The following FAM153A variants were observed in gnomAD, a reference collection of about 807,000 sequenced individuals.
The protein encoded by FAM153A is protein FAM153A.
In FAM153A, 12 loss-of-function variants were observed where a neutral mutation model predicts 48.1. That is an observed-to-expected ratio of 0.25 (90% CI 0.16 to 0.40). FAM153A has a LOEUF of 0.40. Ranked by LOEUF, FAM153A falls within the 10% of genes least tolerant of loss-of-function variation. FAM153A has a pLI of 1.00. For synonymous variants in FAM153A, 36 were observed against 118.2 expected (o/e 0.30, Z 4.51); for missense variants, 111 against 345.8 (o/e 0.32, Z 5.38).
At chr5:177,706,979 A>G (rs1696912), downstream of FAM153A, 1 of 152,004 alleles carries the variant, frequency 6.6e-6, no homozygotes, top group South Asian at 2.1e-4. Context: ...AACGATAAAG[A>G]GATCAATTCA....
chr5:177,754,275 A>G (rs1273116046), upstream of FAM153A, among the ~76,000 whole-genome samples: 2 of 152,086 alleles, frequency 1.3e-5, no homozygotes, highest in African/African-American at 4.8e-5. Flanking sequence ...GCAAGGCTGA[A>G]GCGAGGCTGG....
At chr5:177,704,934 G>A (rs188258515), downstream of FAM153A, among the ~76,000 whole-genome samples, 1 of 151,350 alleles carries the variant, frequency 6.6e-6, no homozygotes, top group African/African-American at 2.4e-5. Context: ...CCGGGAGGTG[G>A]AGGGTGCAGT....
chr5:177,737,807 A>C (rs1357110380), intron 10 of FAM153A, among the ~76,000 whole-genome samples: 3 of 151,784 alleles, frequency 2.0e-5, no homozygotes, highest in Non-Finnish European at 4.4e-5. Context: ...GGTGTGAGCC[A>C]CCACGCCTGA....
chr5:177,760,235 CTTTT>C (rs56901584), intron 1 of FAM153A, among the ~76,000 whole-genome samples: 1 of 96,212 alleles, frequency 1.0e-5, no homozygotes, highest in Non-Finnish European at 2.0e-5. Context: ...TGGGAAAGAC[CTTTT>C]TTTTTTTTTT....
downstream of FAM153A, chr5:177,717,325 A>C (rs1297437312): frequency 1.4e-5 from 2 of 143,096 alleles, no homozygotes; most frequent in Non-Finnish European, 3.0e-5. Context: ...AGCTGTATTA[A>C]TCATTTAAAT....
At chr5:177,746,624 T>C (rs377012867) in intron 4 of FAM153A, among the ~76,000 whole-genome samples, 18,919 of 150,122 alleles carry the variant, frequency 0.13, 1,549 homozygotes, top group East Asian at 0.33. Flanking sequence ...ACTTAGCCTG[T>C]GATATTTGTC....
chr5:177,717,198 GCCT>G (rs1157515700), exon 24 of FAM153A: 1 of 138,494 alleles, frequency 7.2e-6, no homozygotes, highest in Non-Finnish European at 1.5e-5. Flanking sequence ...GCCTTCCTCA[GCCT>G]CTACCCGAGT....
intron 18 of FAM153A, 128 bp downstream of exon 20, chr5:177,728,895 T>G: frequency 5.8e-6 from 2 of 341,894 alleles, no homozygotes. Context: ...AAACCAAAAT[T>G]CCCAAATCTC....
rs1251741865 is a variant in FAM153A, at chr5:177,772,025, T to G, written c.-57+8424A>C. Among the ~76,000 whole-genome samples, 8 of 98,120 alleles carry G rather than the reference T, an allele frequency of 8.2e-5. 2 individuals are homozygous for G. Among genetic ancestry groups the G allele is most frequent in the Non-Finnish European group, 1.7e-4 (8 of 47,212 alleles). The allele number at this position is 98,120 out of a possible 152,430, so 64.4% of individuals were successfully genotyped here. On this transcript the variant is annotated intron_variant, in intron 1 of 8. Transcript: ENST00000393518. ...GAATATGATTATTTGCTGAATCCTGTGAGTCCTTCTAGTGAATCACCAAAC... is the reference window on the plus strand; with the variant it reads ...GAATATGATTATTTGCTGAATCCTGGGAGTCCTTCTAGTGAATCACCAAAC...
At chr5:177,703,342 G>T (rs1757615893), downstream of FAM153A, among the ~76,000 whole-genome samples, 1 of 151,888 alleles carries the variant, frequency 6.6e-6, no homozygotes, top group Non-Finnish European at 1.5e-5. Flanking sequence ...CTTTGTTTTG[G>T]TTGATTTCTC....
chr5:177,713,703 G>T (rs1190311687), intron 26 of FAM153A: 2 of 151,844 alleles, frequency 1.3e-5, no homozygotes, highest in Non-Finnish European at 2.9e-5. Context: ...ACTTTGCCCA[G>T]CCAAGATTGA....
upstream of FAM153A, among the ~76,000 whole-genome samples, chr5:177,753,945 T>A (rs1013213299): frequency 2.0e-5 from 3 of 151,950 alleles, no homozygotes; most frequent in African/African-American, 7.3e-5. Flanking sequence ...CATTTCCAAC[T>A]GAGGTATCAG....
At chr5:177,696,270 A>G in the FAM153A span, among the ~76,000 whole-genome samples, 129,068 of 136,306 alleles carry the variant, frequency 0.95, 61,076 homozygotes, top group East Asian at 1. Context: ...CGGGGTGGCC[A>G]GGCAGGGGCA....
intron 25 of FAM153A, among the ~76,000 whole-genome samples, chr5:177,714,435 A>T (rs1469754161): frequency 6.6e-6 from 1 of 150,908 alleles, no homozygotes. Flanking sequence ...ACAATTTTAT[A>T]AAATAAATAG....
Position 177,729,514 on chromosome 5 carries a change from C to T in FAM153A, c.904G>A (p.Val302Ile), listed in dbSNP as rs145087064. The T allele has an allele frequency of 4.1e-3, 6,493 of 1,599,592 alleles. 7 individuals carry two copies. The African/African-American group carries it at 0.056, about 14-fold the overall frequency. ...TGAACCCCTGTGGCTTCCTCAGAGA[C>T]TGTCTGCTCTGGCACATGCTCCTCC... The change falls in exon 17 of 21, where the codon GTC (valine) becomes ATC (isoleucine). Residue 302 changes from valine to isoleucine, a missense_variant. Around this residue, in one of 4 missense-constraint regions of FAM153A, gnomAD observed 35 missense variants for 136.8 expected, o/e 0.26. Coordinates refer to ENST00000614127, the Ensembl canonical transcript of FAM153A.
the FAM153A span, among the ~76,000 whole-genome samples, chr5:177,696,126 C>T: frequency 3.0e-5 from 4 of 131,618 alleles, no homozygotes; most frequent in Non-Finnish European, 6.3e-5. Flanking sequence ...TGGGCAGAGG[C>T]GCTCCTCACT....
intron 16 of FAM153A, 32 bp from the exon 19 acceptor site, chr5:177,729,587 C>G: frequency 6.2e-7 from 1 of 1,608,688 alleles, no homozygotes; most frequent in Non-Finnish European, 8.5e-7. Flanking sequence ...AGCACATGAG[C>G]TCCACTGAGT....
At chr5:177,737,452 C>T (rs1764846455) in intron 10 of FAM153A, among the ~76,000 whole-genome samples, 2 of 150,982 alleles carry the variant, frequency 1.3e-5, no homozygotes, top group African/African-American at 4.9e-5. Context: ...CTTCTTGATC[C>T]CCTAGAGGTC....
intron 4 of FAM153A, among the ~76,000 whole-genome samples, chr5:177,746,656 C>CTG (rs1247833946): frequency 1.0e-4 from 15 of 149,186 alleles, no homozygotes; most frequent in Admixed American, 7.3e-4. Flanking sequence ...TCTTTTAACA[C>CTG]TGTGTGTGTG....
Sources: gnomAD v4.1 joint callset for allele counts (sites outside exome capture counted in the v4.1 genomes callset) on GRCh38, gnomAD v4.1.1 for gene constraint, gnomAD v4.1.1 regional missense constraint, MANE v1.5 for transcripts, NCBI Gene and HGNC (gene_info 2026-07-23, HGNC 2026-07-21) for gene names.